ZNF490: variants seen among roughly 807,000 people sequenced by gnomAD.
ZNF490 encodes the protein zinc finger protein 490.
A neutral mutation model predicts 17.7 loss-of-function variants in ZNF490; 11 were observed. That is an observed-to-expected ratio of 0.62 (90% CI 0.39 to 1.03). The LOEUF is 1.03. ZNF490 is among the 50% of genes least tolerant of loss of function. The pLI is 0.00. For missense variants in ZNF490, 542 were observed against 643.4 expected, an observed-to-expected ratio of 0.84 and a Z score of 1.71; for synonymous variants, 222 against 216.1, an observed-to-expected ratio of 1.03 and a Z score of -0.24.
At chr19:12,599,938 C>G (rs4804200) in intron 2 of ZNF490, among the ~76,000 whole-genome samples, 96,663 of 152,030 alleles carry the variant, frequency 0.64, 31,608 homozygotes, top group Non-Finnish European at 0.69. Flanking sequence ...AGCACAACGG[C>G]TTTCTTTTAG....
chr19:12,591,390 G>GC (rs982843237), intron 2 of ZNF490, among the ~76,000 whole-genome samples: 10 of 147,962 alleles, frequency 6.8e-5, no homozygotes, highest in South Asian at 4.4e-4. Context: ...CATCCCCGCC[G>GC]CCCCCCCAAA....
At chr19:12,600,700 GTTGTC>G (rs984912504) in intron 2 of ZNF490, among the ~76,000 whole-genome samples, 16 of 152,054 alleles carry the variant, frequency 1.1e-4, no homozygotes, top group African/African-American at 1.2e-4. Context: ...ATAAATAATT[GTTGTC>G]TTGTCTTGGT....
At chr19:12,583,964 C>T (rs2145144142) in intron 2 of ZNF490, among the ~76,000 whole-genome samples, 1 of 151,502 alleles carries the variant, frequency 6.6e-6, no homozygotes, top group African/African-American at 2.4e-5. Context: ...GCGCCCACCA[C>T]CACACCCAGC....
At position 12,610,581 on chromosome 19, in the gene ZNF490, C is replaced by A. The variant is rs1482841578; in HGVS notation, c.100G>T (p.Gly34Trp). 2 of 1,613,898 alleles carry A rather than the reference C, an allele frequency of 1.2e-6. No homozygotes were observed. Among genetic ancestry groups the A allele is most frequent in the African/African-American group, 2.7e-5 (2 of 74,888 alleles). The stretch of plus-strand genomic sequence containing the variant: ...CCTGGTACCTGGAGGACATCAGACC[C>A]TCCTGTTCCTGTGCGGCCTTGACTA... ...SSSQGRTGTG[G>W]SDVLQMQNSE... is the part of the protein sequence containing the mutation. Residue 34 changes from glycine to tryptophan, a missense_variant, in exon 1 of 5, where the codon GGG (glycine) becomes TGG (tryptophan). Coordinates refer to ENST00000311437, the MANE Select transcript of ZNF490 (RefSeq NM_020714.3).
chr19:12,580,505 G>A lies in ZNF490; in HGVS notation c.1570C>T (p.His524Tyr). The change falls in exon 5 of 5, where the codon CAT becomes TAT. Residue 524 changes from histidine (H) to tyrosine (Y), a missense_variant. Coordinates refer to ENST00000311437, the MANE Select transcript of ZNF490 (RefSeq NM_020714.3). ...CTTTCTTAGGGCTTCTGTCTACTAT[G>A]AGTCCTTTCGTGCACGTGCAAAGAC... ...SKSLHVHERTHSRQKP is the reference protein window; with the variant it reads ...SKSLHVHERTYSRQKP 1 of 1,602,920 alleles carries A rather than the reference G, an allele frequency of 6.2e-7. No homozygotes were observed. The highest frequency in any genetic ancestry group is 8.5e-7 in the Non-Finnish European group (1 of 1,174,496).
intron 2 of ZNF490, among the ~76,000 whole-genome samples, chr19:12,601,157 G>A (rs191412925): frequency 4.6e-5 from 7 of 152,030 alleles, no homozygotes; most frequent in African/African-American, 1.4e-4. Context: ...CGGAGGCCAA[G>A]GCGGGTAGAT....
chr19:12,603,788 C>CAAA (rs34129438), intron 2 of ZNF490, among the ~76,000 whole-genome samples: 1,807 of 139,780 alleles, frequency 0.013, 45 homozygotes, highest in African/African-American at 0.046. Flanking sequence ...GACCCTATCT[C>CAAA]AAAAAAAAAA....
chr19:12,609,155 T>TA lies in ZNF490; in HGVS notation c.162+2dup. 1.9e-6 allele frequency: 3 copies of TA among 1,614,052 alleles called. No homozygotes were observed. Among genetic ancestry groups the TA allele is most frequent in the Non-Finnish European group, 2.5e-6 (3 of 1,179,944 alleles). ...CACGCTGACAGGTAGCGATCTCACT[T>TA]ACAGTTTGAGTCTTGATGCTTTGTC... is the stretch of plus-strand genomic sequence containing the variant. On this transcript the variant is annotated splice_region_variant and intron_variant, in intron 2 of 4. Transcript: ENST00000311437.
At chr19:12,582,542 ACG>A (rs2022751560) in intron 4 of ZNF490, among the ~76,000 whole-genome samples, 2 of 151,742 alleles carry the variant, frequency 1.3e-5, no homozygotes, top group African/African-American at 4.8e-5. Context: ...CTATAGGTGC[ACG>A]CCACCACGCC....
At chr19:12,591,879 T>C (rs891196473) in intron 2 of ZNF490, among the ~76,000 whole-genome samples, 3 of 151,520 alleles carry the variant, frequency 2.0e-5, no homozygotes, top group African/African-American at 7.3e-5. Flanking sequence ...GCCATCATGC[T>C]CCTAGGTATT....
chr19:12,587,125 CT>C (rs544385567), intron 2 of ZNF490, among the ~76,000 whole-genome samples: 1,381 of 67,904 alleles, frequency 0.02, 321 homozygotes, highest in African/African-American at 0.055. Flanking sequence ...AAGAAATTCG[CT>C]TTTTTTTTTT....
chr19:12,588,413 C>A (rs571551295), intron 2 of ZNF490, among the ~76,000 whole-genome samples: 2 of 152,090 alleles, frequency 1.3e-5, no homozygotes, highest in African/African-American at 4.8e-5. Context: ...GTTAATTCAC[C>A]AAGAAGACAA....
chr19:12,599,234 A>C (rs1205156319), intron 2 of ZNF490, among the ~76,000 whole-genome samples: 1 of 151,826 alleles, frequency 6.6e-6, no homozygotes, highest in Non-Finnish European at 1.5e-5. Context: ...TGGTTAAAAA[A>C]AGCATAAAGA....
chr19:12,583,244 T>A (rs1321630990), intron 3 of ZNF490, among the ~76,000 whole-genome samples, 186 bp downstream of exon 3: 1 of 152,116 alleles, frequency 6.6e-6, no homozygotes, highest in Non-Finnish European at 1.5e-5. Flanking sequence ...TTTCACCATG[T>A]TGGTCAGGCT....
intron 2 of ZNF490, among the ~76,000 whole-genome samples, chr19:12,599,139 C>CAAAAAAAAAAAAA (rs55911311): frequency 1.2e-3 from 79 of 68,592 alleles, no homozygotes; most frequent in East Asian, 2.0e-3. Context: ...GACTCTGTCT[C>CAAAAAAAAAAAAA]AAAAAAAAAA....
Position 12,580,303 on chromosome 19 carries a change from G to A in ZNF490, c.*182C>T. The A allele has an allele frequency of 1.4e-6, 2 of 1,407,492 alleles. No individual in the cohort carries two copies. Among genetic ancestry groups the A allele is most frequent in the Admixed American group, 2.9e-5 (1 of 34,022 alleles). 87.2% of individuals were successfully genotyped at this position (1,407,492 alleles called of 1,614,324 possible). On this transcript the variant is annotated 3_prime_UTR_variant, in exon 5 of 5. Coordinates refer to ENST00000311437, the MANE Select transcript of ZNF490 (RefSeq NM_020714.3). ...CATATCTGCAATCCCGCAGGAGAGTGCAAGTTCCTCCCCCATTTGTTAAAT... is the reference window on the plus strand; with the variant it reads ...CATATCTGCAATCCCGCAGGAGAGTACAAGTTCCTCCCCCATTTGTTAAAT...
At chr19:12,582,676 G>A (rs558477700) in intron 4 of ZNF490, among the ~76,000 whole-genome samples, 174 bp downstream of exon 4, 2 of 152,144 alleles carry the variant, frequency 1.3e-5, no homozygotes, top group East Asian at 1.9e-4. Flanking sequence ...TTACAGACAT[G>A]AGCCACCACG....
rs2022702036 is a variant in ZNF490, at chr19:12,579,870, G to A, written c.*615C>T. On this transcript the variant is annotated 3_prime_UTR_variant, in exon 5 of 5. Coordinates refer to ENST00000311437, the MANE Select transcript of ZNF490 (RefSeq NM_020714.3). ...CACCTGTAATCCCAGCACTTTGGGA[G>A]GCCGAGGCAGGCAGATCACCTGAGG... 6.6e-6 allele frequency: 1 copy of A among 152,386 alleles called. No homozygotes were observed. Among genetic ancestry groups the A allele is most frequent in the Admixed American group, 6.6e-5 (1 of 15,210 alleles). 9.4% of individuals were successfully genotyped at this position (152,386 alleles called of 1,614,324 possible). A position where few individuals can be genotyped will look rare whatever the true frequency, so the allele number is the denominator to read the frequency against.
At chr19:12,598,723 T>A (rs1447903835) in intron 2 of ZNF490, among the ~76,000 whole-genome samples, 2 of 148,566 alleles carry the variant, frequency 1.3e-5, no homozygotes, top group Admixed American at 1.3e-4. Flanking sequence ...GCGCGGTGGC[T>A]CATGCCTGTA....
Sources: allele counts gnomAD v4.1 joint callset (sites outside exome capture counted in the v4.1 genomes callset), GRCh38; gene constraint gnomAD v4.1.1; transcripts MANE v1.5; gene names NCBI Gene and HGNC (gene_info 2026-07-23, HGNC 2026-07-21).